TEX52: variants seen among roughly 807,000 people sequenced by gnomAD.
TEX52 encodes testis expressed 52.
Under a neutral mutation model 17.6 loss-of-function variants are expected in TEX52, and 22 were observed. The observed-to-expected ratio is 1.25, with a 90% CI of 0.89 to 1.78. The LOEUF (loss-of-function observed/expected upper bound fraction) is 1.78, where lower values mean the gene tolerates loss of function less well. Ranked by LOEUF, TEX52 falls within the 40% of genes most tolerant of loss-of-function variation. TEX52 has a pLI of 0.00. For missense variants in TEX52, 396 were observed against 372.3 expected, an observed-to-expected ratio of 1.06 and a Z score of -0.52; for synonymous variants, 168 against 147.4, an observed-to-expected ratio of 1.14 and a Z score of -1.01.
In TEX52 at chr12:2,855,909, T is replaced by G. The variant is rs377070143; in HGVS notation, c.73-463A>C. ...TATACCAGGAAAGTCCTCCAGAAAATAGGGCCAGGGGTTTTCCCATCCCAG... is the reference window on the plus strand; with the variant it reads ...TATACCAGGAAAGTCCTCCAGAAAAGAGGGCCAGGGGTTTTCCCATCCCAG... On this transcript the variant is annotated intron_variant, in intron 1 of 2. Transcript: ENST00000637658. 5.3e-5 allele frequency among the ~76,000 whole-genome samples: 8 copies of G among 152,056 alleles called. No homozygotes were observed. The East Asian group carries it at 9.7e-4, about 18-fold the overall frequency.
At position 2,855,118 on chromosome 12, in the gene TEX52, G is replaced by T; in HGVS notation, c.401C>A (p.Pro134His). Residue 134 changes from proline (P) to histidine (H), a missense_variant, in exon 2 of 3, where the codon CCC (proline) becomes CAC (histidine). Coordinates refer to ENST00000637658, the MANE Select transcript of TEX52 (RefSeq NM_001365174.2). ...LTDSNAHRCP[P>H]TEHPIPPPSW... ...GGGAGGGGGGATGGGGTGCTCCGTGGGGGGGCATCTGTGGGCATTGGAGTC... is the reference window on the plus strand; with the variant it reads ...GGGAGGGGGGATGGGGTGCTCCGTGTGGGGGCATCTGTGGGCATTGGAGTC... The T allele has an allele frequency of 6.5e-7, 1 of 1,534,256 alleles. No individual in the cohort carries two copies. Among genetic ancestry groups the T allele is most frequent in the Non-Finnish European group, 8.7e-7 (1 of 1,145,514 alleles).
intron 2 of TEX52, 113 bp from the exon 3 acceptor site, chr12:2,849,638 C>T (rs1565447523): frequency 8.1e-7 from 1 of 1,228,210 alleles, no homozygotes; most frequent in Non-Finnish European, 1.1e-6. Context: ...AGTTAGCCAT[C>T]AGGCGGCAGG....
chr12:2,849,312 G>C lies in TEX52; in HGVS notation c.837C>G (p.Ala279=), dbSNP rs1485367559. 2.0e-6 allele frequency: 3 copies of C among 1,536,140 alleles called. No individual in the cohort carries two copies. The highest frequency in any genetic ancestry group is 2.6e-6 in the Non-Finnish European group (3 of 1,146,920). ...DFQTLIKDRT[A]LPLHHLSKAQ... ...CCTTGGAGAGATGGTGGAGGGGTAA[G>C]GCAGTTCTGTCCTTTATCAGGGTTT... Residue 279 remains alanine (A), a synonymous_variant, in exon 3 of 3, where the codon GCC becomes GCG. Transcript: ENST00000637658.
At chr12:2,850,757 C>T (rs963714751) in intron 2 of TEX52, among the ~76,000 whole-genome samples, 1 of 151,770 alleles carries the variant, frequency 6.6e-6, no homozygotes. Context: ...ACTGCAACCT[C>T]CATCTCCCAG....
chr12:2,849,241 C>T lies in TEX52; in HGVS notation c.908G>A (p.Gly303Glu). 2 of 1,535,812 alleles carry T rather than the reference C, an allele frequency of 1.3e-6. No individual in the cohort carries two copies. Among genetic ancestry groups the T allele is most frequent in the South Asian group, 1.2e-5 (1 of 83,954 alleles). Residue 303 changes from glycine (G) to glutamate (E), a missense_variant, in exon 3 of 3, where the codon GGA becomes GAA. Transcript: ENST00000637658. ...CCTCTGGAAGCCCTTCTAGAAGTGT[C>T]CAGGTCTTCTCTTCCTCTTCCTTGC... ...SPARKRKRRP[G>E]HF
At position 2,849,653 on chromosome 12, in the gene TEX52, C is replaced by T; in HGVS notation, c.624-128G>A. ...AGTTAGCCATCAGGCGGCAGGGAAT[C>T]CCTTCTGTCTCTCCACCTAATCGGA... On this transcript the variant is annotated intron_variant, in intron 2 of 2. Coordinates refer to ENST00000637658, the MANE Select transcript of TEX52 (RefSeq NM_001365174.2). 5 of 1,034,298 alleles carry T rather than the reference C, an allele frequency of 4.8e-6. No homozygotes were observed. The South Asian group carries it at 7.8e-5, about 16-fold the overall frequency. The allele number at this position is 1,034,298 out of a possible 1,614,324, so 64.1% of individuals were successfully genotyped here.
intron 2 of TEX52, among the ~76,000 whole-genome samples, chr12:2,854,264 A>G (rs1460713855): frequency 6.6e-6 from 1 of 152,206 alleles, no homozygotes; most frequent in Non-Finnish European, 1.5e-5. Context: ...ACCTCAGGTG[A>G]TCCGGCCGCC....
chr12:2,854,489 C>A (rs2098081044), intron 2 of TEX52, among the ~76,000 whole-genome samples: 1 of 152,210 alleles, frequency 6.6e-6, no homozygotes, highest in Non-Finnish European at 1.5e-5. Flanking sequence ...TACTCCAGGC[C>A]TTCGGGCTAC....
At position 2,851,974 on chromosome 12, in the gene TEX52, C is replaced by T. The variant is rs1032174268; in HGVS notation, c.624-2449G>A. On this transcript the variant is annotated intron_variant, in intron 2 of 2. Transcript: ENST00000637658. ...GATTACAGGCGTGAGCCACCATTCC[C>T]GGTCCACTAAATTTATTTTTAAAAT... 1.1e-4 allele frequency among the ~76,000 whole-genome samples: 16 copies of T among 152,220 alleles called. No individual in the cohort carries two copies. The South Asian group carries it at 1.2e-3, about 12-fold the overall frequency.
chr12:2,854,304 C>T (rs1161446130), intron 2 of TEX52, among the ~76,000 whole-genome samples: 1 of 152,252 alleles, frequency 6.6e-6, no homozygotes, highest in Non-Finnish European at 1.5e-5. Flanking sequence ...GGATTACAGG[C>T]GTGAGCCACC....
rs1337176880 is a variant in TEX52, at chr12:2,849,219, C to T, written c.*12G>A. On this transcript the variant is annotated 3_prime_UTR_variant, in exon 3 of 3. Transcript: ENST00000637658. ...GCTCTGGGTATCACGATCGTCCCCT[C>T]TGGAAGCCCTTCTAGAAGTGTCCAG... The T allele has an allele frequency of 1.3e-6, 2 of 1,531,664 alleles. No individual in the cohort carries two copies. The highest frequency in any genetic ancestry group is 2.4e-5 in the South Asian group (2 of 83,242). The allele number at this position is 1,531,664 out of a possible 1,614,324, so 94.9% of individuals were successfully genotyped here. A position where few individuals can be genotyped will look rare whatever the true frequency, so the allele number is the denominator to read the frequency against.
chr12:2,855,080 G>A lies in TEX52; in HGVS notation c.439C>T (p.Gln147Ter), dbSNP rs1212339167. The A allele has an allele frequency of 1.3e-6, 2 of 1,535,992 alleles. No individual in the cohort carries two copies. Among genetic ancestry groups the A allele is most frequent in the Non-Finnish European group, 1.7e-6 (2 of 1,146,868 alleles). ...TGGATGAAGGTCAGGAAGCTGTTTT[G>A]CCCCATCCAGGAGGGAGGGGGGATG... ...HPIPPPSWMG[Q>*]NSFLTFIHCY... The change falls in exon 2 of 3, where the codon CAA becomes TAA. Residue 147 changes from glutamine to a stop codon, truncating the protein, a stop_gained. Transcript: ENST00000637658. LOFTEE classifies it high-confidence loss of function.
chr12:2,854,862 G>C lies in TEX52; in HGVS notation c.623+34C>G, dbSNP rs571596046. On this transcript the variant is annotated intron_variant, in intron 2 of 2. Coordinates refer to ENST00000637658, the MANE Select transcript of TEX52 (RefSeq NM_001365174.2). ...GGGAGGGGTCACCTGGGCAGGGCAG[G>C]CTGGGTGGGCTCCCTGAGGAGGCAC... The C allele has an allele frequency of 5.2e-5, 79 of 1,508,210 alleles. No homozygotes were observed. The African/African-American group carries it at 8.1e-4, about 15-fold the overall frequency. The allele number at this position is 1,508,210 out of a possible 1,614,324, so 93.4% of individuals were successfully genotyped here. A position where few individuals can be genotyped will look rare whatever the true frequency, so the allele number is the denominator to read the frequency against.
chr12:2,855,432 G>T lies in TEX52; in HGVS notation c.87C>A (p.Ser29Arg). 1.4e-6 allele frequency: 2 copies of T among 1,470,604 alleles called. No homozygotes were observed. Among genetic ancestry groups the T allele is most frequent in the Non-Finnish European group, 1.8e-6 (2 of 1,109,652 alleles). The allele number at this position is 1,470,604 out of a possible 1,614,324, so 91.1% of individuals were successfully genotyped here. ...EEPFLQMVQA[S>R]ESLPPSQTWA... ...ACGTTTGGGAGGGTGGGAGGGACTC[G>T]CTGGCCTGGACCATCTAGGGAGAGA... The change falls in exon 2 of 3, where the codon AGC (serine) becomes AGA (arginine). Residue 29 changes from serine (S) to arginine (R), a missense_variant. Ser to Arg is a moderately radical substitution (Grantham distance 110). Transcript: ENST00000637658.
chr12:2,855,881 C>T (rs1279536331), intron 1 of TEX52, among the ~76,000 whole-genome samples: 3 of 152,072 alleles, frequency 2.0e-5, no homozygotes, highest in Non-Finnish European at 2.9e-5. Context: ...CTGGTCTTGG[C>T]GGTATACCAG....
intron 1 of TEX52, among the ~76,000 whole-genome samples, 182 bp from the exon 2 acceptor site, chr12:2,855,628 G>A (rs1053003979): frequency 1.1e-4 from 16 of 152,308 alleles, no homozygotes; most frequent in Admixed American, 7.2e-4. Context: ...AGTTATGGCT[G>A]CTGCGTATCA....
At chr12:2,853,417 C>T (rs1007511966) in intron 2 of TEX52, among the ~76,000 whole-genome samples, 4 of 152,144 alleles carry the variant, frequency 2.6e-5, no homozygotes, top group South Asian at 2.1e-4. Context: ...GGATTACAGG[C>T]GCCTGCCACC....
chr12:2,856,916 G>A, intron 1 of TEX52, 39 bp downstream of exon 1: 1 of 702,978 alleles, frequency 1.4e-6, no homozygotes, highest in Non-Finnish European at 2.6e-6. Flanking sequence ...GCCCAGTGGG[G>A]TACAAAAAGG....
Position 2,854,993 on chromosome 12 carries a change from CCTT to C in TEX52, c.523_525del (p.Lys175del), listed in dbSNP as rs1313497226. 12 of 1,536,248 alleles carry C rather than the reference CCTT, an allele frequency of 7.8e-6. No homozygotes were observed. Among genetic ancestry groups the C allele is most frequent in the African/African-American group, 2.7e-5 (2 of 73,154 alleles). On this transcript the variant is annotated inframe_deletion, in exon 2 of 3. Coordinates refer to ENST00000637658, the MANE Select transcript of TEX52 (RefSeq NM_001365174.2). Reference sequence around the variant, plus strand: ...TTGAGCTTCTCCACCTCCTTCAACTCCTTCACTGTCCTGAAAATCACCTGCTTC... The same window carrying C: ...TTGAGCTTCTCCACCTCCTTCAACTCCACTGTCCTGAAAATCACCTGCTTC...
Sources: gnomAD v4.1 joint callset for allele counts (sites outside exome capture counted in the v4.1 genomes callset) on GRCh38, gnomAD v4.1.1 for gene constraint, MANE v1.5 for transcripts, NCBI Gene and HGNC (gene_info 2026-07-23, HGNC 2026-07-21) for gene names.